The following ADRA1B variants were observed in gnomAD, a reference collection of about 807,000 sequenced individuals.
ADRA1B encodes adrenoceptor alpha 1B.
A neutral mutation model predicts 17.9 loss-of-function variants in ADRA1B; 17 were observed. The observed-to-expected ratio is 0.95, with a 90% confidence interval of 0.65 to 1.42. The LOEUF is 1.42. Among genes scored for constraint, ADRA1B ranks in the 40% most tolerant of loss-of-function variants. The pLI, the probability that ADRA1B is intolerant of heterozygous loss-of-function variation, is 0.00. For missense variants in ADRA1B, 681 were observed against 722.1 expected, an observed-to-expected ratio of 0.94 and a Z score of 0.65; for synonymous variants, 366 against 327.6, an observed-to-expected ratio of 1.12 and a Z score of -1.27.
At chr5:159,969,152 C>G (rs965500480) in intron 1 of ADRA1B, among the ~76,000 whole-genome samples, 13 of 152,208 alleles carry the variant, frequency 8.5e-5, no homozygotes, top group African/African-American at 2.7e-4. Context: ...CCTTGTCTCA[C>G]CTCGACCAAA....
intron 1 of ADRA1B, among the ~76,000 whole-genome samples, chr5:159,926,657 C>T (rs970415023): frequency 1.2e-4 from 18 of 152,128 alleles, no homozygotes; most frequent in South Asian, 2.1e-4. Flanking sequence ...GAGGCCGAGG[C>T]GGGCGGATCA....
At chr5:159,892,642 T>A (rs1753997499) in intron 1 of ADRA1B, among the ~76,000 whole-genome samples, 1 of 152,232 alleles carries the variant, frequency 6.6e-6, no homozygotes, top group African/African-American at 2.4e-5. Context: ...GCTCCATCCA[T>A]GTCCCTGCAA....
intron 1 of ADRA1B, among the ~76,000 whole-genome samples, chr5:159,949,106 G>T (rs906804448): frequency 3.3e-5 from 5 of 152,094 alleles, no homozygotes; most frequent in African/African-American, 1.2e-4. Context: ...TAATTTCAGG[G>T]AAACTAAATA....
At chr5:159,947,172 C>G (rs924935141) in intron 1 of ADRA1B, among the ~76,000 whole-genome samples, 4 of 152,126 alleles carry the variant, frequency 2.6e-5, no homozygotes, top group Non-Finnish European at 5.9e-5. Context: ...GAAACCCTAT[C>G]TCTACTAAAT....
At chr5:159,949,701 G>A (rs116256106) in intron 1 of ADRA1B, among the ~76,000 whole-genome samples, 176 of 152,274 alleles carry the variant, frequency 1.2e-3, no homozygotes, top group African/African-American at 4.0e-3. Context: ...GGAGGTACTA[G>A]GTCAAGACTC....
intron 1 of ADRA1B, among the ~76,000 whole-genome samples, chr5:159,965,733 A>T (rs1420122058): frequency 6.6e-6 from 1 of 152,158 alleles, no homozygotes; most frequent in Non-Finnish European, 1.5e-5. Flanking sequence ...CCAGTCCCTG[A>T]CCCACACTGC....
chr5:159,905,682 C>T (rs1020771612), intron 1 of ADRA1B, among the ~76,000 whole-genome samples: 2 of 152,118 alleles, frequency 1.3e-5, no homozygotes, highest in Non-Finnish European at 2.9e-5. Flanking sequence ...AACCACAAAC[C>T]ATAGCAAATG....
chr5:159,954,072 G>A (rs1227159257), intron 1 of ADRA1B, among the ~76,000 whole-genome samples: 2 of 152,136 alleles, frequency 1.3e-5, no homozygotes. Context: ...TGGAACTCCT[G>A]GAGCAAACTG....
In ADRA1B at chr5:159,874,266, G is replaced by A. The variant is rs368677030; in HGVS notation, c.-256+9060G>A. Among the ~76,000 whole-genome samples, 127 of 152,224 alleles carry A rather than the reference G, an allele frequency of 8.3e-4. 2 individuals are homozygous for A. Among genetic ancestry groups the A allele is most frequent in the Admixed American group, 1.7e-3 (26 of 15,280 alleles). On this transcript the variant is annotated intron_variant, in intron 1 of 2. Coordinates refer to the ADRA1B transcript ENST00000641205. Reference sequence around the variant, plus strand: ...ATCAAGTCCACCTCTCTGCCCTTGGGAAGAACCTCCCACCACCACCAACAT... The same window carrying A: ...ATCAAGTCCACCTCTCTGCCCTTGGAAAGAACCTCCCACCACCACCAACAT...
chr5:159,987,351 C>A, the ADRA1B span, among the ~76,000 whole-genome samples: 6 of 152,236 alleles, frequency 3.9e-5, no homozygotes, highest in African/African-American at 1.4e-4. Context: ...GCGGCGTCTC[C>A]AGCAGAGCGC....
chr5:159,966,879 C>T (rs1006508483), intron 1 of ADRA1B, among the ~76,000 whole-genome samples: 5 of 152,286 alleles, frequency 3.3e-5, no homozygotes, highest in East Asian at 1.9e-4. Context: ...ATAGAGAAGG[C>T]ATTAAATAAA....
At chr5:159,939,312 TGTGTGTGTGTGCGC>T (rs1352017146) in intron 1 of ADRA1B, among the ~76,000 whole-genome samples, 16 of 133,638 alleles carry the variant, frequency 1.2e-4, no homozygotes, top group African/African-American at 4.9e-4. Context: ...TGTGTGTGTG[TGTGTGTGTGTGCGC>T]GCGCGCGCGC....
chr5:159,939,314 T>TGCGCGC (rs1368884259), intron 1 of ADRA1B, among the ~76,000 whole-genome samples: 1 of 127,012 alleles, frequency 7.9e-6, no homozygotes, highest in Non-Finnish European at 1.7e-5. Flanking sequence ...TGTGTGTGTG[T>TGCGCGC]GTGTGTGTGC....
intron 1 of ADRA1B, among the ~76,000 whole-genome samples, chr5:159,949,831 C>T (rs1755375904): frequency 6.6e-6 from 1 of 152,202 alleles, no homozygotes; most frequent in South Asian, 2.1e-4. Flanking sequence ...GTGTTGGATT[C>T]TCTTGCCAAA....
At chr5:159,897,314 C>T (rs1232793825) in intron 1 of ADRA1B, among the ~76,000 whole-genome samples, 2 of 151,984 alleles carry the variant, frequency 1.3e-5, no homozygotes, top group Non-Finnish European at 2.9e-5. Context: ...GGTGAAACCC[C>T]GTCTCTACTA....
In ADRA1B at chr5:159,971,860, ACC is replaced by A; in HGVS notation, c.950-14_950-13del. 1 of 317,234 alleles carries A rather than the reference ACC, an allele frequency of 3.2e-6. No individual in the cohort carries two copies. Among genetic ancestry groups the A allele is most frequent in the Non-Finnish European group, 5.4e-6 (1 of 185,650 alleles). The allele number at this position is 317,234 out of a possible 1,614,324, so 19.7% of individuals were successfully genotyped here. A position where few individuals can be genotyped will look rare whatever the true frequency, so the allele number is the denominator to read the frequency against. On this transcript the variant is annotated splice_polypyrimidine_tract_variant and intron_variant, in intron 1 of 1. Transcript: ENST00000306675. ...AATTGCTGTCTTTCTGCCCGTGCCC[ACC>A]CCCCTCCCCACTGCAGGCTCCTTGT...
intron 1 of ADRA1B, among the ~76,000 whole-genome samples, chr5:159,878,525 C>T (rs1402293303): frequency 6.6e-6 from 1 of 152,202 alleles, no homozygotes; most frequent in East Asian, 1.9e-4. Context: ...GTGTTATTGG[C>T]TGATAACAAT....
intron 1 of ADRA1B, among the ~76,000 whole-genome samples, chr5:159,890,450 T>C (rs975853341): frequency 1.3e-5 from 2 of 152,168 alleles, no homozygotes; most frequent in African/African-American, 2.4e-5. Context: ...TTACCTCTCA[T>C]TGTTTCTGGG....
chr5:159,957,137 G>C (rs1354297932), intron 1 of ADRA1B, among the ~76,000 whole-genome samples: 1 of 152,124 alleles, frequency 6.6e-6, no homozygotes, highest in African/African-American at 2.4e-5. Context: ...CTCCCAAAGT[G>C]CTGGAATTAC....
Sources: allele counts gnomAD v4.1 joint callset (sites outside exome capture counted in the v4.1 genomes callset), GRCh38; gene constraint gnomAD v4.1.1; transcripts MANE v1.5; gene names NCBI Gene and HGNC (gene_info 2026-07-23, HGNC 2026-07-21).